The following ABCA9 variants were observed in gnomAD, a reference collection of about 807,000 sequenced individuals.
ABCA9 encodes ATP-binding cassette sub-family A member 9.
In ABCA9, 183 loss-of-function variants were observed where a neutral mutation model predicts 205.3. The observed-to-expected ratio is 0.89, with a 90% CI of 0.79 to 1.01. The LOEUF is 1.01. ABCA9 is among the 50% of genes least tolerant of loss of function. The pLI is 0.00. For synonymous variants in ABCA9, 651 were observed against 683.3 expected, an observed-to-expected ratio of 0.95 and a Z score of 0.74; for missense variants, 1,805 against 1,912.4, an observed-to-expected ratio of 0.94 and a Z score of 1.05.
chr17:69,043,835 C>A, intron 5 of ABCA9, 120 bp from the exon 6 acceptor site: 1 of 856,016 alleles, frequency 1.2e-6, no homozygotes, highest in Non-Finnish European at 1.8e-6. Context: ...GTTTATATGC[C>A]CTTCATGATC....
chr17:69,077,509 C>T, the ABCA9 span, among the ~76,000 whole-genome samples: 2 of 152,212 alleles, frequency 1.3e-5, no homozygotes, highest in East Asian at 3.9e-4. Flanking sequence ...TCTATAGATG[C>T]CTGTTAGGTC....
At chr17:68,997,964 G>C (rs1013154638) in intron 25 of ABCA9, among the ~76,000 whole-genome samples, 1 of 152,058 alleles carries the variant, frequency 6.6e-6, no homozygotes, top group African/African-American at 2.4e-5. Context: ...ATGACCCCTG[G>C]CAACCATTGA....
chr17:69,057,793 A>C (rs550306723), intron 1 of ABCA9, among the ~76,000 whole-genome samples: 1 of 152,200 alleles, frequency 6.6e-6, no homozygotes. Context: ...TAATGCTCAG[A>C]AAAAAAGGAT....
Position 68,995,941 on chromosome 17 carries a change from A to C in ABCA9, c.3509T>G (p.Leu1170Ter). Residue 1170 changes from leucine (L) to a stop codon, truncating the protein, a stop_gained, in exon 26 of 39, where the codon TTA becomes TGA. Transcript: ENST00000340001. LOFTEE classifies it high-confidence loss of function. ...GCCAATCAATGTGAAGGGAGGTATT[A>C]ACATGGTGCCAAAAAATAGCCCTAG... Reference protein sequence around the residue: ...GFLGLFFGTMLIPPFTLIGSL... With the variant: ...GFLGLFFGTM 1.9e-6 allele frequency: 3 copies of C among 1,613,864 alleles called. No individual in the cohort carries two copies. The highest frequency in any genetic ancestry group is 2.5e-6 in the Non-Finnish European group (3 of 1,179,916).
chr17:69,058,140 G>T (rs2072127242), intron 1 of ABCA9, among the ~76,000 whole-genome samples: 2 of 152,168 alleles, frequency 1.3e-5, no homozygotes, highest in African/African-American at 2.4e-5. Context: ...CCCAGGAAAT[G>T]ATTCAAAGGT....
chr17:68,992,586 G>A (rs534628459), intron 27 of ABCA9: 92 of 219,416 alleles, frequency 4.2e-4, no homozygotes, highest in Non-Finnish European at 6.9e-4. Flanking sequence ...GGACGAGGCA[G>A]GTGGATCACA....
At chr17:69,039,737 T>G (rs2364312) in intron 6 of ABCA9, among the ~76,000 whole-genome samples, 126,625 of 152,138 alleles carry the variant, frequency 0.83, 54,825 homozygotes, top group East Asian at 1. Flanking sequence ...CTTCTGCAGA[T>G]CAAAGGAAAC....
chr17:69,035,032 A>C (rs1598398006), intron 8 of ABCA9: 3 of 358,658 alleles, frequency 8.4e-6, no homozygotes, highest in Non-Finnish European at 1.5e-5. Context: ...TAGAAGCTGA[A>C]ACATCTCAAT....
At chr17:69,036,487 T>C (rs2071342069) in intron 6 of ABCA9, among the ~76,000 whole-genome samples, 2 of 151,880 alleles carry the variant, frequency 1.3e-5, no homozygotes, top group South Asian at 2.1e-4. Flanking sequence ...TGCTGAGGGA[T>C]TTTGTCACCA....
Position 69,012,412 on chromosome 17 carries a change from T to C in ABCA9, c.3040-329A>G, listed in dbSNP as rs146040212. 497 of 195,938 alleles carry C rather than the reference T, an allele frequency of 2.5e-3. 3 individuals carry two copies. The highest frequency in any genetic ancestry group is 0.011 in the African/African-American group (457 of 43,112). 12.1% of individuals were successfully genotyped at this position (195,938 alleles called of 1,614,324 possible). A position where few individuals can be genotyped will look rare whatever the true frequency, so the allele number is the denominator to read the frequency against. The stretch of plus-strand genomic sequence containing the variant: ...GTTACAATCTTACATGCATTGCTTA[T>C]ATACATCAAGGCTGATGTTTTAAGA... On this transcript the variant is annotated intron_variant, in intron 22 of 38. Transcript: ENST00000340001.
chr17:69,011,050 G>A (rs980406623), intron 23 of ABCA9, among the ~76,000 whole-genome samples: 1 of 152,166 alleles, frequency 6.6e-6, no homozygotes, highest in Non-Finnish European at 1.5e-5. Context: ...TGGACATTTA[G>A]ACATCAAGCA....
intron 25 of ABCA9, among the ~76,000 whole-genome samples, chr17:69,001,676 A>G (rs1302752856): frequency 6.7e-6 from 1 of 150,120 alleles, no homozygotes; most frequent in Non-Finnish European, 1.5e-5. Context: ...TGATTGGAAT[A>G]GTTTCAGAAG....
intron 35 of ABCA9, 89 bp from the exon 36 acceptor site, chr17:68,983,938 A>G: frequency 6.2e-7 from 1 of 1,603,212 alleles, no homozygotes; most frequent in Admixed American, 1.7e-5. Context: ...GAGTAAGGCC[A>G]CATAGAGTTG....
intron 25 of ABCA9, among the ~76,000 whole-genome samples, chr17:69,003,757 A>G (rs936780915): frequency 1.3e-5 from 2 of 151,968 alleles, no homozygotes; most frequent in East Asian, 1.9e-4. Flanking sequence ...AGGTACACCA[A>G]TCAGACGTAG....
chr17:68,980,334 G>T (rs1337743539), intron 37 of ABCA9, among the ~76,000 whole-genome samples: 1 of 152,124 alleles, frequency 6.6e-6, no homozygotes, highest in Non-Finnish European at 1.5e-5. Flanking sequence ...TACACTGTTG[G>T]TGGGACTGTA....
At chr17:69,045,394 A>C in intron 3 of ABCA9, 58 bp from the exon 4 acceptor site, 4 of 1,517,520 alleles carry the variant, frequency 2.6e-6, no homozygotes, top group Non-Finnish European at 3.6e-6. Context: ...ACCTGGCCAT[A>C]TTCAATTATG....
At chr17:69,076,082 T>A in the ABCA9 span, among the ~76,000 whole-genome samples, 5 of 152,182 alleles carry the variant, frequency 3.3e-5, no homozygotes, top group African/African-American at 9.6e-5. Context: ...AAAGTGAGCA[T>A]CCTTGTCTTG....
rs184915146 is a variant in ABCA9, at chr17:69,007,084, T to C, written c.3435+675A>G. On this transcript the variant is annotated intron_variant, in intron 25 of 38. Transcript: ENST00000340001. The stretch of plus-strand genomic sequence containing the variant: ...ATTCCAAACTTTTAGAATGAGAAAA[T>C]AGCTAGGTGGATTCTGCTGCAATAA... Among the ~76,000 whole-genome samples the C allele has an allele frequency of 1.3e-3, 202 of 152,096 alleles. 1 individual carries two copies. Among genetic ancestry groups the C allele is most frequent in the African/African-American group, 4.7e-3 (196 of 41,506 alleles).
intron 10 of ABCA9, among the ~76,000 whole-genome samples, chr17:69,029,498 A>C (rs2071094026): frequency 6.6e-6 from 1 of 152,218 alleles, no homozygotes; most frequent in Non-Finnish European, 1.5e-5. Flanking sequence ...ATATTGTTAG[A>C]AGAATTGTGG....
Sources: allele counts gnomAD v4.1 joint callset (sites outside exome capture counted in the v4.1 genomes callset), GRCh38; gene constraint gnomAD v4.1.1; transcripts MANE v1.5; gene names NCBI Gene and HGNC (gene_info 2026-07-23, HGNC 2026-07-21).